The following TMC1 variants were observed in gnomAD, a reference collection of about 807,000 sequenced individuals.
TMC1 encodes the protein transmembrane channel like 1.
A neutral mutation model predicts 105.8 loss-of-function variants in TMC1; 84 were observed. The ratio of observed to expected loss-of-function variants is 0.79; its 90% CI spans 0.67 to 0.95. The LOEUF (loss-of-function observed/expected upper bound fraction) is 0.95. Ranked by LOEUF, TMC1 falls within the 40% of genes least tolerant of loss-of-function variation. The pLI is 0.00. For synonymous variants in TMC1, 315 were observed against 311.5 expected (o/e 1.01, Z -0.12); for missense variants, 817 against 914.1 (o/e 0.89, Z 1.37).
chr9:72,799,182 G>A (rs1447704431), intron 17 of TMC1, among the ~76,000 whole-genome samples: 1 of 152,040 alleles, frequency 6.6e-6, no homozygotes, highest in Non-Finnish European at 1.5e-5. Context: ...TTCCTAACGT[G>A]CAGTCCATAA....
chr9:72,575,054 G>C (rs1237406967), intron 1 of TMC1, among the ~76,000 whole-genome samples: 1 of 151,890 alleles, frequency 6.6e-6, no homozygotes, highest in African/African-American at 2.4e-5. Flanking sequence ...TTCCCTCCCA[G>C]CCCCTCCTTG....
intron 8 of TMC1, among the ~76,000 whole-genome samples, chr9:72,701,365 AT>A (rs1472709577): frequency 6.6e-6 from 1 of 152,156 alleles, no homozygotes; most frequent in Non-Finnish European, 1.5e-5. Flanking sequence ...TGATTATCCT[AT>A]TCTGGGGGAT....
At chr9:72,815,643 CA>C (rs1232938214) in intron 18 of TMC1, among the ~76,000 whole-genome samples, 1 of 152,032 alleles carries the variant, frequency 6.6e-6, no homozygotes, top group East Asian at 1.9e-4. Flanking sequence ...AATATTCTTT[CA>C]AAATGATTGT....
Position 72,615,203 on chromosome 9 carries a change from A to G in TMC1, c.-305-1165A>G, listed in dbSNP as rs73651611. On this transcript the variant is annotated intron_variant, in intron 2 of 23. Transcript: ENST00000297784. ...TATGTGTCAGGCAATATACTAAACA[A>G]CTTACATGTATTACTATTTTAATTC... Among the ~76,000 whole-genome samples the G allele has an allele frequency of 4.7e-3, 711 of 152,304 alleles. 8 individuals carry two copies. The highest frequency in any genetic ancestry group is 0.017 in the African/African-American group (695 of 41,580).
rs747341513 is a variant in TMC1 at position 72,836,216 on chromosome 9, G to A, written c.*243G>A. The A allele has an allele frequency of 7.7e-5, 41 of 531,822 alleles. No homozygotes were observed. Among genetic ancestry groups the A allele is most frequent in the Non-Finnish European group, 8.7e-5 (26 of 299,748 alleles). The allele number at this position is 531,822 out of a possible 1,614,324, so 32.9% of individuals were successfully genotyped here. A position where few individuals can be genotyped will look rare whatever the true frequency, so the allele number is the denominator to read the frequency against. Reference sequence around the variant, plus strand: ...GCCACTCTCTCCCCTGCTCCATTTCGTGACTTTTTTTTTTTTTTTAACAAA... The same window carrying A: ...GCCACTCTCTCCCCTGCTCCATTTCATGACTTTTTTTTTTTTTTTAACAAA... On this transcript the variant is annotated 3_prime_UTR_variant, in exon 24 of 24. Coordinates refer to ENST00000297784, the MANE Select transcript of TMC1 (RefSeq NM_138691.3).
At chr9:72,694,875 G>A (rs780485241) in intron 7 of TMC1, among the ~76,000 whole-genome samples, 161 bp downstream of exon 7, 1 of 151,982 alleles carries the variant, frequency 6.6e-6, no homozygotes, top group Non-Finnish European at 1.5e-5. Context: ...GTATTTTAAT[G>A]GTTAAAATAG....
At chr9:72,558,879 AT>A (rs1823992853) in intron 1 of TMC1, among the ~76,000 whole-genome samples, 1 of 151,836 alleles carries the variant, frequency 6.6e-6, no homozygotes, top group Admixed American at 6.6e-5. Context: ...TAAAATTTTT[AT>A]TTTCAAAAAG....
intron 5 of TMC1, among the ~76,000 whole-genome samples, chr9:72,657,330 T>A (rs1289285315): frequency 2.0e-5 from 3 of 152,236 alleles, no homozygotes; most frequent in African/African-American, 7.2e-5. Flanking sequence ...TGTAATTGCC[T>A]ATTGAACAAT....
At chr9:72,680,002 C>CA (rs35003220) in intron 5 of TMC1, among the ~76,000 whole-genome samples, 84,906 of 151,822 alleles carry the variant, frequency 0.56, 25,086 homozygotes, top group African/African-American at 0.77. Context: ...TATACAAAGA[C>CA]GGGGGCAGAA....
intron 17 of TMC1, among the ~76,000 whole-genome samples, chr9:72,797,660 G>A (rs955686639): frequency 2.6e-5 from 4 of 152,154 alleles, no homozygotes; most frequent in Non-Finnish European, 5.9e-5. Context: ...AGAACTGGTA[G>A]CCATATGCAG....
chr9:72,750,717 C>T (rs574742692), intron 10 of TMC1, among the ~76,000 whole-genome samples: 24 of 152,270 alleles, frequency 1.6e-4, no homozygotes, highest in African/African-American at 5.5e-4. Context: ...ATGCTTAACA[C>T]CTGTCAATGA....
chr9:72,824,079 G>A (rs1828914189), intron 20 of TMC1, among the ~76,000 whole-genome samples: 1 of 152,254 alleles, frequency 6.6e-6, no homozygotes, highest in Admixed American at 6.5e-5. Context: ...CCTTGTGGGA[G>A]GAAGCACGTG....
chr9:72,667,729 T>C (rs1826065586), intron 5 of TMC1, among the ~76,000 whole-genome samples: 1 of 152,222 alleles, frequency 6.6e-6, no homozygotes, highest in Admixed American at 6.5e-5. Context: ...ACAGCACCTA[T>C]TGTTATAAAT....
In TMC1 at chr9:72,751,842, T is replaced by A; in HGVS notation, c.536-8T>A. ...CTCTCTTCAAACTTTTTATTTTCTT[T>A]GTAATAGGTCAGTTTGGCTCCTCAG... On this transcript the variant is annotated splice_region_variant and splice_polypyrimidine_tract_variant and intron_variant, in intron 10 of 23. Transcript: ENST00000297784. 2 of 1,579,438 alleles carry A rather than the reference T, an allele frequency of 1.3e-6. No individual in the cohort carries two copies. Among genetic ancestry groups the A allele is most frequent in the South Asian group, 2.2e-5 (2 of 90,426 alleles).
intron 12 of TMC1, among the ~76,000 whole-genome samples, chr9:72,771,521 AG>A (rs1321373523): frequency 1.3e-5 from 2 of 152,166 alleles, no homozygotes; most frequent in Non-Finnish European, 1.5e-5. Flanking sequence ...TCTAAGATTC[AG>A]GGTTGACTCA....
At chr9:72,693,296 A>G (rs1285753899) in intron 6 of TMC1, among the ~76,000 whole-genome samples, 5 of 152,216 alleles carry the variant, frequency 3.3e-5, no homozygotes, top group African/African-American at 7.2e-5. Flanking sequence ...TGAAAAGAAC[A>G]TATTTAACTA....
intron 6 of TMC1, 67 bp downstream of exon 6, chr9:72,688,823 C>T: frequency 7.5e-7 from 1 of 1,328,774 alleles, no homozygotes; most frequent in Non-Finnish European, 1.1e-6. Flanking sequence ...AGAATTTATC[C>T]TCTTGTGGAC....
chr9:72,695,264 G>A (rs950535594), intron 7 of TMC1, among the ~76,000 whole-genome samples: 2 of 152,212 alleles, frequency 1.3e-5, no homozygotes, highest in African/African-American at 4.8e-5. Flanking sequence ...AGAGGATTTG[G>A]GTTGTCATTT....
chr9:72,655,999 G>A, intron 5 of TMC1: 1 of 771,138 alleles, frequency 1.3e-6, no homozygotes, highest in Non-Finnish European at 2.3e-6. Context: ...GTTTTTTCTT[G>A]TAGTGATTCT....
Sources: allele counts gnomAD v4.1 joint callset (sites outside exome capture counted in the v4.1 genomes callset), GRCh38; gene constraint gnomAD v4.1.1; transcripts MANE v1.5; gene names NCBI Gene and HGNC (gene_info 2026-07-23, HGNC 2026-07-21).